The following EPHA5 variants were observed in gnomAD, a reference collection of about 807,000 sequenced individuals.
EPHA5 encodes the protein ephrin type-A receptor 5.
A neutral mutation model predicts 105.0 loss-of-function variants in EPHA5; 60 were observed. The observed-to-expected ratio is 0.57, with a 90% CI of 0.46 to 0.71. The LOEUF (loss-of-function observed/expected upper bound fraction) is 0.71, where lower values mean the gene tolerates loss of function less well. Ranked by LOEUF, EPHA5 falls within the 30% of genes least tolerant of loss-of-function variation. The pLI is 0.00. For synonymous variants in EPHA5, 513 were observed against 449.1 expected (o/e 1.14, Z -1.80); for missense variants, 1,218 against 1,274.7 (o/e 0.96, Z 0.68).
chr4:65,594,931 T>C (rs1743020410), intron 3 of EPHA5, among the ~76,000 whole-genome samples: 1 of 152,136 alleles, frequency 6.6e-6, no homozygotes, highest in African/African-American at 2.4e-5. Context: ...AGAGCATATT[T>C]TAGCTGGTAA....
chr4:65,666,571 T>C (rs34445766), intron 1 of EPHA5, among the ~76,000 whole-genome samples: 40,509 of 152,116 alleles, frequency 0.27, 6,142 homozygotes, highest in East Asian at 0.56. Flanking sequence ...TTGTCCTGCT[T>C]GATCAGAGAC....
chr4:65,602,001 T>C lies in EPHA5; in HGVS notation c.550A>G (p.Thr184Ala). Residue 184 changes from threonine (T) to alanine (A), a missense_variant, in exon 3 of 17, where the codon ACA (threonine) becomes GCA (alanine). Physicochemically the swap from Thr to Ala is moderately conservative, Grantham distance 58. Coordinates refer to ENST00000613740, the MANE Select transcript of EPHA5 (RefSeq NM_001281766.3). ...IDTIAADESF[T>A]ELDLGDRVMK... ...ACACGGTCACCAAGATCAAGTTCTG[T>C]AAAGCTTTCATCGGCAGCAATGGTA... 1 of 1,614,204 alleles carries C rather than the reference T, an allele frequency of 6.2e-7. No homozygotes were observed. Among genetic ancestry groups the C allele is most frequent in the Non-Finnish European group, 8.5e-7 (1 of 1,180,022 alleles).
chr4:65,396,112 G>A (rs950397878), intron 8 of EPHA5, among the ~76,000 whole-genome samples: 3 of 152,316 alleles, frequency 2.0e-5, no homozygotes, highest in South Asian at 4.1e-4. Flanking sequence ...AGACGTGCCT[G>A]CTCCTGCTGC....
chr4:65,566,726 C>G (rs1208409464), intron 3 of EPHA5, among the ~76,000 whole-genome samples: 4 of 151,692 alleles, frequency 2.6e-5, no homozygotes, highest in African/African-American at 9.7e-5. Context: ...CTGTATTATG[C>G]CACTCATGTT....
chr4:65,639,038 A>G (rs1747407863), intron 2 of EPHA5, among the ~76,000 whole-genome samples: 1 of 152,246 alleles, frequency 6.6e-6, no homozygotes, highest in Admixed American at 6.5e-5. Context: ...TATTATTAAA[A>G]CATGACATCA....
At chr4:65,517,939 G>A (rs1031818897) in intron 3 of EPHA5, among the ~76,000 whole-genome samples, 7 of 151,840 alleles carry the variant, frequency 4.6e-5, no homozygotes, top group Admixed American at 6.6e-5. Flanking sequence ...ACATTAAAAT[G>A]TTTAACACCT....
rs1719512443 is a variant in EPHA5 at position 65,320,039 on chromosome 4, A to C, written c.*4075T>G. On this transcript the variant is annotated 3_prime_UTR_variant, in exon 17 of 17. Transcript: ENST00000613740. ...CAACATTTGATTCTGATTATTATAA[A>C]CAGACTTTTTTTCTTTTAAAAGAAT... 4.3e-6 allele frequency: 1 copy of C among 230,064 alleles called. No individual in the cohort carries two copies. The highest frequency in any genetic ancestry group is 8.6e-6 in the Non-Finnish European group (1 of 116,098). 14.3% of individuals were successfully genotyped at this position (230,064 alleles called of 1,614,324 possible).
At chr4:65,423,144 G>T (rs1472083398) in intron 5 of EPHA5, among the ~76,000 whole-genome samples, 1 of 152,026 alleles carries the variant, frequency 6.6e-6, no homozygotes, top group East Asian at 1.9e-4. Context: ...TTTGTAAGCA[G>T]TCTCTCAACT....
At chr4:65,448,253 C>CA (rs1423257843) in intron 5 of EPHA5, among the ~76,000 whole-genome samples, 1 of 148,250 alleles carries the variant, frequency 6.7e-6, no homozygotes, top group African/African-American at 2.5e-5. Flanking sequence ...AAAGAATAGT[C>CA]AAAACAAGTA....
At chr4:65,500,645 A>G (rs1425448558) in intron 3 of EPHA5, among the ~76,000 whole-genome samples, 1 of 151,074 alleles carries the variant, frequency 6.6e-6, no homozygotes, top group Non-Finnish European at 1.5e-5. Flanking sequence ...TTAAAGAGCT[A>G]TTAACCTTGG....
chr4:65,332,869 A>T (rs1720772969), intron 15 of EPHA5, among the ~76,000 whole-genome samples: 1 of 151,912 alleles, frequency 6.6e-6, no homozygotes, highest in South Asian at 2.1e-4. Flanking sequence ...TTCCTAGAGG[A>T]ACTTATGCTC....
chr4:65,360,311 T>C (rs1344106366), intron 11 of EPHA5, among the ~76,000 whole-genome samples: 1 of 151,740 alleles, frequency 6.6e-6, no homozygotes. Flanking sequence ...CACTGATTAG[T>C]AAGAATAGGC....
chr4:65,601,303 G>C (rs1159243817), intron 3 of EPHA5, among the ~76,000 whole-genome samples: 3 of 152,110 alleles, frequency 2.0e-5, no homozygotes, highest in Non-Finnish European at 4.4e-5. Flanking sequence ...AGAGAAAATA[G>C]ATGTAGCAGA....
chr4:65,600,719 C>T (rs1485612061), intron 3 of EPHA5, among the ~76,000 whole-genome samples: 2 of 152,096 alleles, frequency 1.3e-5, no homozygotes, highest in Non-Finnish European at 2.9e-5. Context: ...AGTTAGTACA[C>T]TCACATCATG....
intron 3 of EPHA5, among the ~76,000 whole-genome samples, chr4:65,596,467 AC>A (rs1743194946): frequency 6.8e-6 from 1 of 146,930 alleles, no homozygotes; most frequent in Admixed American, 6.7e-5. Context: ...TTTAGAAAAA[AC>A]AAACAAACAA....
At chr4:65,447,350 A>G (rs2149099073) in intron 5 of EPHA5, among the ~76,000 whole-genome samples, 1 of 152,134 alleles carries the variant, frequency 6.6e-6, no homozygotes, top group African/African-American at 2.4e-5. Flanking sequence ...ATATACTATG[A>G]CAACCATTAT....
intron 8 of EPHA5, among the ~76,000 whole-genome samples, chr4:65,396,802 T>A (rs999639201): frequency 6.6e-6 from 1 of 152,144 alleles, no homozygotes; most frequent in Non-Finnish European, 1.5e-5. Context: ...AGTTCATTAT[T>A]CAAGCAGCCC....
intron 8 of EPHA5, among the ~76,000 whole-genome samples, chr4:65,386,530 A>G (rs181050187): frequency 1.6e-4 from 24 of 152,044 alleles, no homozygotes; most frequent in Admixed American, 1.2e-3. Context: ...AAGATACAAA[A>G]CATGCACACA....
At chr4:65,511,871 C>CCATGTACATATGTA (rs1390835615) in intron 3 of EPHA5, among the ~76,000 whole-genome samples, 10 of 152,090 alleles carry the variant, frequency 6.6e-5, no homozygotes, top group African/African-American at 2.4e-4. Flanking sequence ...TTGTAGGTTT[C>CCATGTACATATGTA]CATGTACATA....
Sources: allele counts gnomAD v4.1 joint callset (sites outside exome capture counted in the v4.1 genomes callset), GRCh38; gene constraint gnomAD v4.1.1; transcripts MANE v1.5; gene names NCBI Gene and HGNC (gene_info 2026-07-23, HGNC 2026-07-21).